PMS2: variants seen among roughly 807,000 people sequenced by gnomAD.
PMS2 encodes the protein mismatch repair endonuclease PMS2.
PMS2 carries 69 observed loss-of-function variants against 90.0 expected under a neutral mutation model. The ratio of observed to expected loss-of-function variants is 0.77; its 90% CI spans 0.63 to 0.94. PMS2 has a LOEUF of 0.94. Ranked by LOEUF, PMS2 falls within the 40% of genes least tolerant of loss-of-function variation. The pLI is 0.00. For missense variants in PMS2, 966 were observed against 1,040.2 expected (o/e 0.93, Z 0.98); for synonymous variants, 332 against 375.1 (o/e 0.89, Z 1.33).
chr7:6,007,044 T>C (rs1451398884), intron 1 of PMS2, among the ~76,000 whole-genome samples: 1 of 152,056 alleles, frequency 6.6e-6, no homozygotes, highest in Non-Finnish European at 1.5e-5. Context: ...AACTACCTTC[T>C]TTTCAGAATC....
At chr7:6,002,882 G>C (rs1407744634) in intron 4 of PMS2, among the ~76,000 whole-genome samples, 2 of 152,132 alleles carry the variant, frequency 1.3e-5, no homozygotes, top group East Asian at 1.9e-4. Flanking sequence ...CGTTTTTCAG[G>C]TTGAACTGCA....
At chr7:5,984,043 T>A (rs1416932766) in intron 11 of PMS2, among the ~76,000 whole-genome samples, 1 of 151,910 alleles carries the variant, frequency 6.6e-6, no homozygotes, top group African/African-American at 2.4e-5. Flanking sequence ...ACATTTCAGT[T>A]GTTTCCAATT....
intron 1 of PMS2, among the ~76,000 whole-genome samples, chr7:6,006,563 G>A (rs539173807): frequency 6.6e-6 from 1 of 152,160 alleles, no homozygotes; most frequent in South Asian, 2.1e-4. Flanking sequence ...TGAGGCAGGA[G>A]AATCGCTTAA....
rs748863098 is a variant in PMS2, at chr7:5,981,423, T to C, written c.2174+1401A>G. On this transcript the variant is annotated intron_variant, in intron 12 of 14. Coordinates refer to ENST00000265849, the MANE Select transcript of PMS2 (RefSeq NM_000535.7). ...TCAAGTCTGACTAATTTTTTACATT[T>C]GTTGTAGAGACAAGGTTTCACCATG... Among the ~76,000 whole-genome samples the C allele has an allele frequency of 6.9e-4, 103 of 149,616 alleles. 1 individual carries two copies. The highest frequency in any genetic ancestry group is 4.7e-3 in the Admixed American group (70 of 14,794).
chr7:6,006,423 G>A (rs71541539), intron 1 of PMS2, among the ~76,000 whole-genome samples: 1 of 152,132 alleles, frequency 6.6e-6, no homozygotes, highest in African/African-American at 2.4e-5. Context: ...AAGCAGAGAT[G>A]GGTGGATAAC....
intron 4 of PMS2, 68 bp downstream of exon 4, chr7:6,003,622 T>C: frequency 2.4e-6 from 2 of 841,440 alleles, no homozygotes; most frequent in South Asian, 1.4e-5. Context: ...AAAATAATAA[T>C]GATTCCAATT....
chr7:5,996,941 G>A (rs1040605312), intron 7 of PMS2, among the ~76,000 whole-genome samples: 13 of 152,086 alleles, frequency 8.5e-5, no homozygotes, highest in African/African-American at 9.7e-5. Flanking sequence ...CTAGCCAGGC[G>A]TGGTGGCTCA....
intron 1 of PMS2, among the ~76,000 whole-genome samples, chr7:6,007,261 G>A (rs1424020307): frequency 1.3e-5 from 2 of 151,778 alleles, no homozygotes; most frequent in South Asian, 2.1e-4. Context: ...GATTACAGGC[G>A]CCCACCATCA....
In PMS2 at chr7:5,973,612, C is replaced by T. The variant is rs2128660008; in HGVS notation, c.2446-70G>A. ...CGTCAGAATGGCAGCTCTTCAGAAG[C>T]ATTCTTCTCTAAAATAAGGCTGGAC... On this transcript the variant is annotated intron_variant, in intron 14 of 14. Coordinates refer to ENST00000265849, the MANE Select transcript of PMS2 (RefSeq NM_000535.7). 3 of 353,020 alleles carry T rather than the reference C, an allele frequency of 8.5e-6. 1 individual carries two copies. Among genetic ancestry groups the T allele is most frequent in the Middle Eastern group, 1.5e-3 (2 of 1,372 alleles). The allele number at this position is 353,020 out of a possible 1,614,324, so 21.9% of individuals were successfully genotyped here. A position where few individuals can be genotyped will look rare whatever the true frequency, so the allele number is the denominator to read the frequency against.
chr7:5,990,546 CTAAAA>C (rs1434612934), intron 9 of PMS2, among the ~76,000 whole-genome samples: 2 of 152,066 alleles, frequency 1.3e-5, no homozygotes, highest in East Asian at 3.9e-4. Context: ...AATATGCAAA[CTAAAA>C]TAAGATATTT....
In PMS2 at chr7:6,004,028, A is replaced by C. The variant is rs749141001; in HGVS notation, c.194T>G (p.Leu65Arg). The part of the protein sequence containing the change: ...DLKLKDYGVD[L>R]IEVSDNGCGV... ...ACATCCATTGTCTGAAACTTCAATA[A>C]GATCCACTCCATAGTCCTTAAGCTT... Residue 65 changes from leucine (L) to arginine (R), a missense_variant, in exon 3 of 15, where the codon CTT (leucine) becomes CGT (arginine). By Grantham distance (102) the Leu-to-Arg change is moderately radical. Transcript: ENST00000265849. 1 of 1,601,304 alleles carries C rather than the reference A, an allele frequency of 6.2e-7. No homozygotes were observed. The highest frequency in any genetic ancestry group is 8.5e-7 in the Non-Finnish European group (1 of 1,170,162).
intron 10 of PMS2, among the ~76,000 whole-genome samples, chr7:5,989,374 A>C (rs547104667): frequency 2.0e-5 from 3 of 152,252 alleles, no homozygotes; most frequent in African/African-American, 7.2e-5. Context: ...TCAAGGTTGC[A>C]GTGAGCTGAG....
intron 1 of PMS2, among the ~76,000 whole-genome samples, chr7:6,006,509 C>T (rs1386007019): frequency 6.6e-6 from 1 of 151,980 alleles, no homozygotes; most frequent in African/African-American, 2.4e-5. Context: ...AAAAATTAGC[C>T]AGGCATGGTG....
chr7:5,987,174 C>A lies in PMS2; in HGVS notation c.1591G>T (p.Glu531Ter), dbSNP rs878854037. 6.2e-7 allele frequency: 1 copy of A among 1,613,924 alleles called. No individual in the cohort carries two copies. The highest frequency in any genetic ancestry group is 1.3e-5 in the African/African-American group (1 of 74,922). The change falls in exon 11 of 15, where the codon GAA (glutamate) becomes TAA (stop). Residue 531 changes from glutamate to a stop codon, truncating the protein, a stop_gained. Coordinates refer to ENST00000265849, the MANE Select transcript of PMS2 (RefSeq NM_000535.7). LOFTEE classifies it high-confidence loss of function. ...GCTTTCTCCTGAGAGTCCACATGTTCCTGCGAGCCCCTGTCCCCTGGGGAG... is the reference window on the plus strand; with the variant it reads ...GCTTTCTCCTGAGAGTCCACATGTTACTGCGAGCCCCTGTCCCCTGGGGAG... ...ASSPGDRGSQEHVDSQEKAPK... is the reference protein window; with the variant it reads ...ASSPGDRGSQ
chr7:6,004,715 C>CA (rs71008347), intron 2 of PMS2, among the ~76,000 whole-genome samples: 14,765 of 96,342 alleles, frequency 0.15, 952 homozygotes, highest in African/African-American at 0.21. Context: ...AACTCTATCT[C>CA]AAAAAAAAAA....
At chr7:5,999,388 G>T (rs1298949887) in intron 5 of PMS2, 113 bp from the exon 6 acceptor site, 2 of 930,828 alleles carry the variant, frequency 2.1e-6, no homozygotes, top group East Asian at 5.1e-5. Context: ...CAAATCAAGG[G>T]AAGCACTGTT....
Position 5,977,674 on chromosome 7 carries a change from T to A in PMS2, c.2359A>T (p.Ile787Phe), listed in dbSNP as rs191300933. 8 of 1,605,950 alleles carry A rather than the reference T, an allele frequency of 5.0e-6. 1 individual carries two copies. In the Admixed American group the frequency reaches 1.3e-4, roughly 27 times the overall value. The change falls in exon 14 of 15, where the codon ATC becomes TTC. Residue 787 changes from isoleucine to phenylalanine, a missense_variant. Ile to Phe is a conservative substitution (Grantham distance 21). Coordinates refer to ENST00000265849, the MANE Select transcript of PMS2 (RefSeq NM_000535.7). ...CCAGGGCTGTCGCTCAGCATGAAGA[T>A]CAGTTCATCGACGTCCTGGGGTCCG... is the stretch of plus-strand genomic sequence containing the variant. ...TFGPQDVDELIFMLSDSPGVM... is the reference protein window; with the variant it reads ...TFGPQDVDELFFMLSDSPGVM...
At chr7:6,001,326 C>T (rs1470143110) in intron 5 of PMS2, among the ~76,000 whole-genome samples, 1 of 151,546 alleles carries the variant, frequency 6.6e-6, no homozygotes, top group Non-Finnish European at 1.5e-5. Context: ...CATTCAAATT[C>T]ATAAGGGTTC....
chr7:6,007,112 AT>A (rs1554307248), intron 1 of PMS2, among the ~76,000 whole-genome samples: 1 of 115,854 alleles, frequency 8.6e-6, no homozygotes, highest in South Asian at 2.9e-4. Flanking sequence ...TATTATTATT[AT>A]TGTTATTATT....
Sources: allele counts gnomAD v4.1 joint callset (sites outside exome capture counted in the v4.1 genomes callset), GRCh38; gene constraint gnomAD v4.1.1; transcripts MANE v1.5; gene names NCBI Gene and HGNC (gene_info 2026-07-23, HGNC 2026-07-21).